The following ARHGAP6 variants were observed in gnomAD, a reference collection of about 807,000 sequenced individuals.
The protein encoded by ARHGAP6 is rho GTPase-activating protein 6.
Under a neutral mutation model 55.7 loss-of-function variants are expected in ARHGAP6, and 16 were observed. The observed-to-expected ratio is 0.29, with a 90% CI of 0.19 to 0.44. The LOEUF is 0.44. Among genes scored for constraint, ARHGAP6 ranks in the 20% least tolerant of loss-of-function variants. The pLI, the probability that ARHGAP6 is intolerant of heterozygous loss-of-function variation, is 1.00. For missense variants in ARHGAP6, 698 were observed against 808.9 expected (o/e 0.86, Z 1.66); for synonymous variants, 382 against 360.9 (o/e 1.06, Z -0.66).
chrX:11,520,946 T>G (rs2050918018), intron 1 of ARHGAP6, among the ~76,000 whole-genome samples: 2 of 112,483 alleles, frequency 1.8e-5, no homozygotes. Flanking sequence ...GTCTGTTGAC[T>G]GCATAAATGT....
chrX:11,241,037 C>A (rs1221195230), intron 2 of ARHGAP6, among the ~76,000 whole-genome samples: 1 of 99,729 alleles, frequency 1.0e-5, no homozygotes, highest in Non-Finnish European at 2.0e-5. Flanking sequence ...GCACTCCAGC[C>A]GGAGCGACAG....
intron 1 of ARHGAP6, among the ~76,000 whole-genome samples, chrX:11,502,593 G>A (rs190608686): frequency 9.5e-4 from 106 of 111,895 alleles, no homozygotes; most frequent in African/African-American, 3.0e-3. Flanking sequence ...GAGACAGCAA[G>A]ACCAACCCCT....
chrX:11,374,468 G>A (rs1330815006), intron 1 of ARHGAP6, among the ~76,000 whole-genome samples: 1 of 112,136 alleles, frequency 8.9e-6, no homozygotes, highest in Non-Finnish European at 1.9e-5. Context: ...GGACAATGCT[G>A]TATATCTAGG....
chrX:11,199,545 G>A (rs1258405306), intron 2 of ARHGAP6, among the ~76,000 whole-genome samples: 1 of 112,406 alleles, frequency 8.9e-6, no homozygotes, highest in Non-Finnish European at 1.9e-5. Context: ...CTGGATCTGT[G>A]TATATGCAAT....
chrX:11,248,985 C>T (rs2047387697), intron 2 of ARHGAP6, among the ~76,000 whole-genome samples: 1 of 111,865 alleles, frequency 8.9e-6, no homozygotes, highest in Non-Finnish European at 1.9e-5. Flanking sequence ...TACAGCCACA[C>T]AATTCGCAAC....
chrX:11,305,493 T>C (rs1486616789), intron 1 of ARHGAP6, among the ~76,000 whole-genome samples: 1 of 112,570 alleles, frequency 8.9e-6, no homozygotes, highest in Non-Finnish European at 1.9e-5. Context: ...ACAAGAAGCT[T>C]GTCTCCTGTG....
intron 1 of ARHGAP6, among the ~76,000 whole-genome samples, chrX:11,520,842 A>G (rs1283101004): frequency 9.0e-6 from 1 of 111,656 alleles, no homozygotes; most frequent in Non-Finnish European, 1.9e-5. Context: ...TGACTTTTGA[A>G]TGATCGCCAT....
rs917837189 is a variant in ARHGAP6, at chrX:11,550,825, T to A, written c.588+113416A>T. 8.0e-5 allele frequency among the ~76,000 whole-genome samples: 9 copies of A among 112,071 alleles called. No homozygotes were observed. The East Asian group carries it at 2.5e-3, about 31-fold the overall frequency. On this transcript the variant is annotated intron_variant, in intron 1 of 12. Transcript: ENST00000337414. ...CATATCATGAGAGGACAGTATATTA[T>A]CTTGTCAAATTCTCCACTTTGTGGA...
Position 11,138,708 on chromosome X carries a change from G to A in ARHGAP6, c.*155C>T. On this transcript the variant is annotated 3_prime_UTR_variant, in exon 13 of 13. Transcript: ENST00000337414. Reference sequence around the variant, plus strand: ...CTTATTCTCAATGGCGGGGGCGTGAGTGCTCTACCTCTGTAGGTGAACTGG... The same window carrying A: ...CTTATTCTCAATGGCGGGGGCGTGAATGCTCTACCTCTGTAGGTGAACTGG... 1 of 593,723 alleles carries A rather than the reference G, an allele frequency of 1.7e-6. No homozygotes were observed. Among genetic ancestry groups the A allele is most frequent in the Non-Finnish European group, 2.6e-6 (1 of 389,123 alleles). 48.9% of individuals were successfully genotyped at this position (593,723 alleles called of 1,213,427 possible).
chrX:11,434,942 C>T (rs1038606690), intron 1 of ARHGAP6, among the ~76,000 whole-genome samples: 9 of 111,850 alleles, frequency 8.0e-5, no homozygotes, highest in African/African-American at 2.9e-4. Context: ...AAGAACCAAC[C>T]GAAGAAAACT....
intron 1 of ARHGAP6, among the ~76,000 whole-genome samples, chrX:11,413,310 T>C (rs771168084): frequency 8.9e-6 from 1 of 112,419 alleles, no homozygotes; most frequent in Non-Finnish European, 1.9e-5. Flanking sequence ...GCTGCTGAGC[T>C]CTAAGACAAG....
chrX:11,525,017 G>A (rs997276259), intron 1 of ARHGAP6, among the ~76,000 whole-genome samples: 2 of 111,111 alleles, frequency 1.8e-5, no homozygotes, highest in Admixed American at 9.6e-5. Context: ...GAGCTCAAGC[G>A]GTAATACAAG....
chrX:11,493,324 T>C (rs2050590346), intron 1 of ARHGAP6, among the ~76,000 whole-genome samples: 1 of 111,129 alleles, frequency 9.0e-6, no homozygotes, highest in South Asian at 3.8e-4. Context: ...ATTCAAAGAG[T>C]GATGCACATG....
intron 1 of ARHGAP6, among the ~76,000 whole-genome samples, chrX:11,531,639 T>A (rs758958477): frequency 9.0e-6 from 1 of 110,858 alleles, no homozygotes; most frequent in African/African-American, 3.3e-5. Context: ...AAACCTGAAC[T>A]GCATCAGATA....
intron 1 of ARHGAP6, among the ~76,000 whole-genome samples, chrX:11,340,666 T>C (rs2048693635): frequency 9.3e-6 from 1 of 107,026 alleles, no homozygotes; most frequent in Non-Finnish European, 1.9e-5. Flanking sequence ...GAAGCGGAGC[T>C]TGCAGTGAGC....
chrX:11,258,285 A>ACATAG (rs2047516933), intron 1 of ARHGAP6, among the ~76,000 whole-genome samples: 1 of 110,106 alleles, frequency 9.1e-6, no homozygotes, highest in South Asian at 4.0e-4. Flanking sequence ...ACTTAGAACC[A>ACATAG]CATAGATGCT....
intron 10 of ARHGAP6, among the ~76,000 whole-genome samples, chrX:11,149,410 CT>C (rs1281780146): frequency 9.3e-6 from 1 of 107,178 alleles, no homozygotes; most frequent in Non-Finnish European, 1.9e-5. Context: ...TCCACATAAG[CT>C]TTTTCTAAAA....
chrX:11,653,340 GT>G (rs2052607170), intron 1 of ARHGAP6, among the ~76,000 whole-genome samples: 1 of 111,922 alleles, frequency 8.9e-6, no homozygotes, highest in South Asian at 3.7e-4. Context: ...AATGCCTGGA[GT>G]GACAGCCTGC....
At chrX:11,181,398 A>AATAATGCTT (rs2046312382) in intron 6 of ARHGAP6, among the ~76,000 whole-genome samples, 1 of 112,356 alleles carries the variant, frequency 8.9e-6, no homozygotes, top group African/African-American at 3.2e-5. Context: ...ACAGGAAGAA[A>AATAATGCTT]ATAATGCTTT....
Sources: allele counts gnomAD v4.1 joint callset (sites outside exome capture counted in the v4.1 genomes callset), GRCh38; gene constraint gnomAD v4.1.1; transcripts MANE v1.5; gene names NCBI Gene and HGNC (gene_info 2026-07-23, HGNC 2026-07-21).